EPHA6: variants seen among roughly 807,000 people sequenced by gnomAD.
EPHA6 encodes EPH receptor A6, also known as ephrin type-A receptor 6.
Under a neutral mutation model 112.0 loss-of-function variants are expected in EPHA6, and 50 were observed. The ratio of observed to expected loss-of-function variants is 0.45; its 90% CI spans 0.36 to 0.56. The LOEUF (loss-of-function observed/expected upper bound fraction) is 0.56. EPHA6 is among the 20% of genes least tolerant of loss of function. EPHA6 has a pLI of 0.00. For synonymous variants in EPHA6, 529 were observed against 490.7 expected, an observed-to-expected ratio of 1.08 and a Z score of -1.03; for missense variants, 1,280 against 1,417.4, an observed-to-expected ratio of 0.90 and a Z score of 1.56.
In EPHA6 at chr3:96,851,260, A is replaced by ATGGATC. The variant is rs948843056; in HGVS notation, c.386-15562_386-15557dup. ...TTTATATTATTCAGAAAGTAACAGT[A>ATGGATC]TGGATCTGAGTGACTATAAACTCCA... On this transcript the variant is annotated intron_variant, in intron 1 of 17. Coordinates refer to ENST00000389672, the MANE Select transcript of EPHA6 (RefSeq NM_001080448.3). Among the ~76,000 whole-genome samples the ATGGATC allele has an allele frequency of 1.1e-3, 174 of 152,292 alleles. 1 individual carries two copies. The highest frequency in any genetic ancestry group is 4.0e-3 in the African/African-American group (166 of 41,572).
At chr3:97,534,267 G>C (rs1245936744) in intron 11 of EPHA6, among the ~76,000 whole-genome samples, 1 of 152,032 alleles carries the variant, frequency 6.6e-6, no homozygotes, top group East Asian at 1.9e-4. Context: ...GACTATATGT[G>C]CTAGCACTTT....
At chr3:97,371,065 T>A (rs1004455386) in intron 5 of EPHA6, among the ~76,000 whole-genome samples, 1 of 147,564 alleles carries the variant, frequency 6.8e-6, no homozygotes, top group Non-Finnish European at 1.5e-5. Context: ...TAAATATGTT[T>A]AATTAGTGCA....
At chr3:97,376,352 A>G (rs958727811) in intron 5 of EPHA6, among the ~76,000 whole-genome samples, 1 of 152,200 alleles carries the variant, frequency 6.6e-6, no homozygotes, top group South Asian at 2.1e-4. Flanking sequence ...TAAAAATGAA[A>G]TAGGCAGGCT....
At chr3:97,527,922 T>C (rs2092643915) in intron 10 of EPHA6, among the ~76,000 whole-genome samples, 4 of 152,130 alleles carry the variant, frequency 2.6e-5, no homozygotes, top group Admixed American at 2.6e-4. Context: ...ATGTTTCCTG[T>C]AAGGCTATTT....
intron 9 of EPHA6, among the ~76,000 whole-genome samples, chr3:97,479,618 T>A (rs996005399): frequency 3.3e-5 from 5 of 152,182 alleles, no homozygotes; most frequent in Non-Finnish European, 7.3e-5. Flanking sequence ...AAATAATAGT[T>A]GACTGATTTT....
At chr3:96,866,442 G>T (rs1013417522) in intron 1 of EPHA6, among the ~76,000 whole-genome samples, 2 of 151,832 alleles carry the variant, frequency 1.3e-5, no homozygotes, top group Non-Finnish European at 1.5e-5. Flanking sequence ...CAAGAAATCT[G>T]CTTTAATACA....
chr3:97,619,620 A>G (rs750609858), intron 13 of EPHA6, among the ~76,000 whole-genome samples: 29 of 152,034 alleles, frequency 1.9e-4, no homozygotes, highest in Non-Finnish European at 2.6e-4. Context: ...CTATACACCA[A>G]CAACAGTCAG....
At chr3:97,073,761 T>C (rs1447712725) in intron 3 of EPHA6, among the ~76,000 whole-genome samples, 1 of 152,044 alleles carries the variant, frequency 6.6e-6, no homozygotes, top group Non-Finnish European at 1.5e-5. Flanking sequence ...GTATATACAG[T>C]ATATTAAAGA....
chr3:97,726,592 T>C (rs1164662426), intron 15 of EPHA6, among the ~76,000 whole-genome samples: 1 of 152,164 alleles, frequency 6.6e-6, no homozygotes, highest in East Asian at 1.9e-4. Context: ...ATTTCACAAG[T>C]ACCTTGAAAG....
chr3:97,274,187 T>C (rs182008766), intron 5 of EPHA6, among the ~76,000 whole-genome samples: 1 of 152,308 alleles, frequency 6.6e-6, no homozygotes, highest in African/African-American at 2.4e-5. Context: ...ATATTTTCCC[T>C]GGTCTAAGAA....
chr3:97,387,064 C>T (rs1255625234), intron 5 of EPHA6, among the ~76,000 whole-genome samples: 1 of 152,204 alleles, frequency 6.6e-6, no homozygotes, highest in Non-Finnish European at 1.5e-5. Context: ...CTCGACCTGG[C>T]CCACAAAACC....
intron 6 of EPHA6, chr3:97,441,301 A>C (rs2090125329): frequency 5.5e-6 from 1 of 182,886 alleles, no homozygotes; most frequent in Non-Finnish European, 1.0e-5. Flanking sequence ...AGGAATGCAA[A>C]GATAGTTCTG....
At chr3:97,536,805 G>C (rs544465257) in intron 11 of EPHA6, among the ~76,000 whole-genome samples, 1 of 152,128 alleles carries the variant, frequency 6.6e-6, no homozygotes, top group African/African-American at 2.4e-5. Context: ...TGCTCTACCT[G>C]GTTATATTTG....
At chr3:97,581,160 T>C (rs2093434156) in intron 11 of EPHA6, among the ~76,000 whole-genome samples, 1 of 152,192 alleles carries the variant, frequency 6.6e-6, no homozygotes, top group East Asian at 1.9e-4. Context: ...AACCCTGGGA[T>C]AAATGTTGGG....
chr3:97,022,878 T>C (rs1017720620), intron 3 of EPHA6, among the ~76,000 whole-genome samples: 7 of 152,194 alleles, frequency 4.6e-5, no homozygotes, highest in African/African-American at 1.7e-4. Context: ...GTTTTCTGCC[T>C]GAATGAGTAT....
chr3:97,572,912 G>A (rs1313721941), intron 11 of EPHA6, among the ~76,000 whole-genome samples: 1 of 152,180 alleles, frequency 6.6e-6, no homozygotes, highest in Non-Finnish European at 1.5e-5. Context: ...CAAACAGCTT[G>A]TAGGTGGCAA....
intron 2 of EPHA6, among the ~76,000 whole-genome samples, chr3:96,941,551 C>A (rs527251571): frequency 6.6e-6 from 1 of 152,302 alleles, no homozygotes; most frequent in South Asian, 2.1e-4. Context: ...GAATTTCTTC[C>A]TGTAGCTCGG....
chr3:97,363,175 T>A (rs1455119066), intron 5 of EPHA6, among the ~76,000 whole-genome samples: 1 of 260 alleles, frequency 3.8e-3, no homozygotes, highest in Admixed American at 0.045. Context: ...CCCTGCAATA[T>A]ATATATATAT....
intron 5 of EPHA6, among the ~76,000 whole-genome samples, chr3:97,399,164 T>A (rs1046965411): frequency 6.6e-6 from 1 of 151,574 alleles, no homozygotes; most frequent in Non-Finnish European, 1.5e-5. Context: ...TCAAATATTT[T>A]AGCTTTCACA....
Sources: allele counts gnomAD v4.1 joint callset (sites outside exome capture counted in the v4.1 genomes callset), GRCh38; gene constraint gnomAD v4.1.1; transcripts MANE v1.5; gene names NCBI Gene and HGNC (gene_info 2026-07-23, HGNC 2026-07-21).